LRRC4C: variants seen among roughly 807,000 people sequenced by gnomAD.
LRRC4C encodes the protein leucine rich repeat containing 4C.
Under a neutral mutation model 33.6 loss-of-function variants are expected in LRRC4C, and 5 were observed. That is an observed-to-expected ratio of 0.15 (90% CI 0.08 to 0.31). The LOEUF is 0.31. Among genes scored for constraint, LRRC4C ranks in the 10% least tolerant of loss-of-function variants. The pLI is 1.00. For missense variants in LRRC4C, 560 were observed against 796.7 expected, an observed-to-expected ratio of 0.70 and a Z score of 3.58; for synonymous variants, 329 against 302.0, an observed-to-expected ratio of 1.09 and a Z score of -0.93.
chr11:41,306,070 T>A (rs531638518), intron 1 of LRRC4C, among the ~76,000 whole-genome samples: 1 of 151,752 alleles, frequency 6.6e-6, no homozygotes, highest in Admixed American at 6.6e-5. Flanking sequence ...AAATTACTGT[T>A]TGTTTTGATT....
chr11:40,723,913 A>T (rs939107585), intron 2 of LRRC4C, among the ~76,000 whole-genome samples: 1 of 152,206 alleles, frequency 6.6e-6, no homozygotes, highest in Non-Finnish European at 1.5e-5. Flanking sequence ...AGATGGAGAA[A>T]TATCTACAAT....
chr11:40,372,919 T>C (rs993610182), intron 3 of LRRC4C, among the ~76,000 whole-genome samples: 2 of 152,116 alleles, frequency 1.3e-5, no homozygotes, highest in African/African-American at 2.4e-5. Context: ...GCCAGATAAT[T>C]TGGGATTTTT....
chr11:41,201,749 AT>A (rs1433598204), intron 1 of LRRC4C, among the ~76,000 whole-genome samples: 1 of 152,186 alleles, frequency 6.6e-6, no homozygotes, highest in Non-Finnish European at 1.5e-5. Context: ...TCTTTTAAAG[AT>A]TTTAGCATTG....
intron 1 of LRRC4C, among the ~76,000 whole-genome samples, chr11:41,454,686 T>C (rs1247875516): frequency 6.6e-6 from 1 of 152,166 alleles, no homozygotes; most frequent in East Asian, 1.9e-4. Flanking sequence ...GTACTTAGGC[T>C]GCTCCAGAAA....
intron 5 of LRRC4C, among the ~76,000 whole-genome samples, chr11:40,202,096 T>C (rs532603249): frequency 9.2e-5 from 14 of 151,672 alleles, no homozygotes; most frequent in South Asian, 2.1e-4. Flanking sequence ...TTTTCCCATA[T>C]GTATAACAGC....
intron 1 of LRRC4C, among the ~76,000 whole-genome samples, chr11:41,154,095 TA>T (rs1310892696): frequency 6.6e-6 from 1 of 152,162 alleles, no homozygotes; most frequent in Non-Finnish European, 1.5e-5. Flanking sequence ...CCTCCAGAAC[TA>T]TAAGAGAATA....
chr11:41,142,584 A>G (rs1323108084), intron 1 of LRRC4C, among the ~76,000 whole-genome samples: 2 of 152,184 alleles, frequency 1.3e-5, no homozygotes, highest in Non-Finnish European at 2.9e-5. Flanking sequence ...ACTCTTTGGA[A>G]TGAAATTACA....
intron 5 of LRRC4C, among the ~76,000 whole-genome samples, chr11:40,236,225 A>G: frequency 6.6e-6 from 1 of 152,188 alleles, no homozygotes; most frequent in African/African-American, 2.4e-5. Flanking sequence ...CACAAAAGAC[A>G]GACGTTTTTA....
chr11:41,173,846 C>A (rs943625658), intron 1 of LRRC4C, among the ~76,000 whole-genome samples: 7 of 151,854 alleles, frequency 4.6e-5, no homozygotes, highest in Non-Finnish European at 7.4e-5. Flanking sequence ...AAATTATGCC[C>A]GAGGACTTTT....
At chr11:41,409,668 A>AG (rs972101652) in intron 1 of LRRC4C, among the ~76,000 whole-genome samples, 28 of 152,184 alleles carry the variant, frequency 1.8e-4, no homozygotes, top group Non-Finnish European at 1.6e-4. Flanking sequence ...GCTAAAGGTG[A>AG]GGGGGTCTAT....
chr11:40,297,655 A>G (rs114901534), intron 4 of LRRC4C, among the ~76,000 whole-genome samples: 265 of 151,762 alleles, frequency 1.7e-3, no homozygotes, highest in African/African-American at 6.0e-3. Flanking sequence ...CTCATCCCAT[A>G]TAGTCTTATT....
At chr11:40,709,686 G>A (rs1009858489) in intron 2 of LRRC4C, among the ~76,000 whole-genome samples, 9 of 151,880 alleles carry the variant, frequency 5.9e-5, no homozygotes, top group African/African-American at 2.2e-4. Flanking sequence ...ATGTGTCTTG[G>A]GGTATCTTTG....
intron 1 of LRRC4C, among the ~76,000 whole-genome samples, chr11:41,220,560 A>G (rs918927483): frequency 1.4e-4 from 21 of 151,258 alleles, no homozygotes; most frequent in Non-Finnish European, 2.5e-4. Flanking sequence ...ACACACACAC[A>G]CAATTCTACA....
chr11:40,364,733 G>A (rs895329547), intron 3 of LRRC4C, among the ~76,000 whole-genome samples: 4 of 152,036 alleles, frequency 2.6e-5, no homozygotes, highest in Non-Finnish European at 5.9e-5. Context: ...GAAATATGAT[G>A]ATAATAACAA....
At chr11:40,614,847 A>G (rs1370208291) in intron 3 of LRRC4C, among the ~76,000 whole-genome samples, 1 of 151,714 alleles carries the variant, frequency 6.6e-6, no homozygotes, top group Non-Finnish European at 1.5e-5. Context: ...TGGAACACAC[A>G]CAACATTTGT....
chr11:40,182,000 TC>T, intron 5 of LRRC4C, among the ~76,000 whole-genome samples: 1 of 152,210 alleles, frequency 6.6e-6, no homozygotes, highest in South Asian at 2.1e-4. Flanking sequence ...TCAGGAAATT[TC>T]ATTCCTTGAT....
At chr11:40,761,426 ATGTGAAGGGGT>A (rs1005034047) in intron 2 of LRRC4C, among the ~76,000 whole-genome samples, 24 of 152,240 alleles carry the variant, frequency 1.6e-4, no homozygotes, top group African/African-American at 5.8e-4. Context: ...TTCATCTTAT[ATGTGAAGGGGT>A]TGAGCTGAAG....
intron 3 of LRRC4C, among the ~76,000 whole-genome samples, chr11:40,382,684 ATTTTTTTTTTT>A (rs35200000): frequency 1.2e-4 from 8 of 65,568 alleles, no homozygotes; most frequent in Non-Finnish European, 1.1e-4. Context: ...ACTTGTACTC[ATTTTTTTTTTT>A]TTTTTTTTTT....
At chr11:41,215,912 C>A (rs1403775041) in intron 1 of LRRC4C, among the ~76,000 whole-genome samples, 1 of 152,178 alleles carries the variant, frequency 6.6e-6, no homozygotes, top group Non-Finnish European at 1.5e-5. Context: ...CTACATTTAA[C>A]ATTTTGAGGA....
Sources: allele counts gnomAD v4.1 joint callset (sites outside exome capture counted in the v4.1 genomes callset), GRCh38; gene constraint gnomAD v4.1.1; transcripts MANE v1.5; gene names NCBI Gene and HGNC (gene_info 2026-07-23, HGNC 2026-07-21).